Variants in PRKCQ observed in about 807,000 individuals in gnomAD.
PRKCQ encodes protein kinase C theta type.
In PRKCQ, 41 loss-of-function variants were observed where a neutral mutation model predicts 91.2. The ratio of observed to expected loss-of-function variants is 0.45; its 90% CI spans 0.35 to 0.58. PRKCQ has a LOEUF of 0.58. Ranked by LOEUF, PRKCQ falls within the 20% of genes least tolerant of loss-of-function variation. The pLI is 0.00. For missense variants in PRKCQ, 673 were observed against 896.5 expected, an observed-to-expected ratio of 0.75 and a Z score of 3.18; for synonymous variants, 307 against 316.9, an observed-to-expected ratio of 0.97 and a Z score of 0.33.
chr10:6,416,770 G>A, the PRKCQ span, among the ~76,000 whole-genome samples: 6 of 152,102 alleles, frequency 3.9e-5, no homozygotes, highest in African/African-American at 1.4e-4. Context: ...TCTACTTTTG[G>A]TTCTTCAAGG....
In PRKCQ at chr10:6,427,355, C is replaced by T. The variant is rs984746174; in HGVS notation, c.*852G>A. On this transcript the variant is annotated 3_prime_UTR_variant, in exon 18 of 18. Coordinates refer to ENST00000263125, the MANE Select transcript of PRKCQ (RefSeq NM_006257.5). ...GCTTATGAGTCATGAAATCACCAGT[C>T]ATGGCACGAGAAGGGGTTAAGGTTC... The T allele has an allele frequency of 1.3e-5, 2 of 152,150 alleles. No homozygotes were observed. The highest frequency in any genetic ancestry group is 1.9e-4 in the East Asian group (1 of 5,192). The allele number at this position is 152,150 out of a possible 1,614,324, so 9.4% of individuals were successfully genotyped here.
intron 1 of PRKCQ, among the ~76,000 whole-genome samples, chr10:6,522,154 C>G (rs1206322447): frequency 6.6e-6 from 1 of 152,010 alleles, no homozygotes; most frequent in African/African-American, 2.4e-5. Context: ...GCTGGCTAGG[C>G]TGGTCTTGAA....
chr10:6,409,331 G>A, the PRKCQ span, among the ~76,000 whole-genome samples: 1 of 152,166 alleles, frequency 6.6e-6, no homozygotes, highest in Non-Finnish European at 1.5e-5. Flanking sequence ...GTCTTGCTCC[G>A]TCATCCAGGC....
chr10:6,488,387 CTT>C (rs71391841), intron 8 of PRKCQ, among the ~76,000 whole-genome samples: 154 of 140,590 alleles, frequency 1.1e-3, no homozygotes, highest in Middle Eastern at 3.7e-3. Flanking sequence ...ATAACTATTA[CTT>C]TTTTTTTTTT....
intron 8 of PRKCQ, among the ~76,000 whole-genome samples, chr10:6,490,478 C>A (rs984052620): frequency 6.6e-6 from 1 of 150,832 alleles, no homozygotes; most frequent in Non-Finnish European, 1.5e-5. Context: ...GTAATCCTAG[C>A]ACTTTTGGAG....
chr10:6,471,260 T>C (rs1405398816), intron 12 of PRKCQ, among the ~76,000 whole-genome samples: 2 of 152,192 alleles, frequency 1.3e-5, no homozygotes, highest in Non-Finnish European at 2.9e-5. Context: ...GAATGTATTA[T>C]TTACATAGAC....
chr10:6,452,968 C>A (rs1834784620), intron 15 of PRKCQ, among the ~76,000 whole-genome samples: 2 of 150,304 alleles, frequency 1.3e-5, no homozygotes, highest in African/African-American at 4.9e-5. Context: ...ACCATAAAAA[C>A]CCTAGAAGAA....
intron 8 of PRKCQ, 83 bp from the exon 9 acceptor site, chr10:6,486,227 C>T: frequency 8.6e-7 from 1 of 1,168,300 alleles, no homozygotes; most frequent in Middle Eastern, 1.9e-4. Context: ...AAGACAGAGC[C>T]TTGCGGATAG....
intron 8 of PRKCQ, among the ~76,000 whole-genome samples, chr10:6,489,168 C>T (rs900332808): frequency 3.9e-5 from 6 of 152,054 alleles, no homozygotes; most frequent in East Asian, 1.9e-4. Context: ...AACTCACATT[C>T]GCCCTATTTA....
intron 16 of PRKCQ, among the ~76,000 whole-genome samples, chr10:6,436,036 C>G (rs1213064097): frequency 6.6e-6 from 1 of 152,154 alleles, no homozygotes; most frequent in Non-Finnish European, 1.5e-5. Flanking sequence ...ATTGCTTGAG[C>G]CTGGGAAGCA....
At chr10:6,542,832 T>C (rs769454638) in intron 1 of PRKCQ, among the ~76,000 whole-genome samples, 7 of 152,268 alleles carry the variant, frequency 4.6e-5, no homozygotes, top group East Asian at 1.9e-4. Flanking sequence ...CTTTCTTAGG[T>C]GTTGTTAGGA....
chr10:6,410,031 G>A, the PRKCQ span, among the ~76,000 whole-genome samples: 11 of 152,338 alleles, frequency 7.2e-5, no homozygotes, highest in South Asian at 2.3e-3. Flanking sequence ...CATAAACTAT[G>A]AAGGGGAAGG....
At chr10:6,410,803 T>C in the PRKCQ span, among the ~76,000 whole-genome samples, 2 of 152,042 alleles carry the variant, frequency 1.3e-5, no homozygotes, top group Non-Finnish European at 2.9e-5. Context: ...GCCAACATGG[T>C]GAAACCCTGT....
chr10:6,478,927 C>A (rs1230319994), intron 12 of PRKCQ, 65 bp downstream of exon 12: 3 of 1,557,548 alleles, frequency 1.9e-6, no homozygotes, highest in African/African-American at 1.4e-5. Flanking sequence ...AATGAGGGCG[C>A]CATTGAAGGT....
chr10:6,507,298 T>A, intron 4 of PRKCQ, 138 bp downstream of exon 4: 1 of 828,706 alleles, frequency 1.2e-6, no homozygotes, highest in East Asian at 2.6e-5. Context: ...TGAGCACCTC[T>A]GAGAATTTTA....
intron 1 of PRKCQ, among the ~76,000 whole-genome samples, chr10:6,578,784 A>G (rs756060840): frequency 4.6e-5 from 7 of 152,226 alleles, no homozygotes; most frequent in Non-Finnish European, 1.0e-4. Flanking sequence ...TCTTCCCGCT[A>G]GACACAGCAC....
At chr10:6,429,445 G>A (rs1833294621) in intron 17 of PRKCQ, among the ~76,000 whole-genome samples, 1 of 152,200 alleles carries the variant, frequency 6.6e-6, no homozygotes, top group South Asian at 2.1e-4. Context: ...TGGGACAGAT[G>A]TTGAGAACAA....
intron 1 of PRKCQ, among the ~76,000 whole-genome samples, chr10:6,567,971 G>A (rs757825606): frequency 1.3e-5 from 2 of 152,006 alleles, no homozygotes; most frequent in Admixed American, 6.6e-5. Context: ...GGTGGCTCTC[G>A]CCTGTAATCC....
chr10:6,422,644 C>T (rs996203141), downstream of PRKCQ, among the ~76,000 whole-genome samples: 3 of 152,216 alleles, frequency 2.0e-5, no homozygotes, highest in African/African-American at 7.2e-5. Flanking sequence ...CAAAGCACTT[C>T]ACCCAGTACC....
Sources: gnomAD v4.1 joint callset for allele counts (sites outside exome capture counted in the v4.1 genomes callset) on GRCh38, gnomAD v4.1.1 for gene constraint, MANE v1.5 for transcripts, NCBI Gene and HGNC (gene_info 2026-07-23, HGNC 2026-07-21) for gene names.